Variants in SMARCA5 observed in about 807,000 individuals in gnomAD.
SMARCA5 encodes the protein SNF2 related chromatin remodeling ATPase 5.
SMARCA5 carries 18 observed loss-of-function variants against 140.4 expected under a neutral mutation model. The ratio of observed to expected loss-of-function variants is 0.13; its 90% confidence interval spans 0.09 to 0.19. The LOEUF is 0.19. Among genes scored for constraint, SMARCA5 ranks in the 10% least tolerant of loss-of-function variants. SMARCA5 has a pLI of 1.00. For synonymous variants in SMARCA5, 449 were observed against 419.6 expected (o/e 1.07, Z -0.86); for missense variants, 606 against 1,276.8 (o/e 0.47, Z 8.01).
intron 22 of SMARCA5, 52 bp downstream of exon 22, chr4:143,548,192 C>T: frequency 9.5e-7 from 1 of 1,051,868 alleles, no homozygotes; most frequent in Non-Finnish European, 1.4e-6. Flanking sequence ...GAGTAAGTGT[C>T]ATCTTTGGTA....
In SMARCA5 at chr4:143,547,535, A is replaced by T. The variant is rs553193134; in HGVS notation, c.2772+32A>T. The T allele has an allele frequency of 1.5e-4, 159 of 1,070,468 alleles. 1 individual carries two copies. The highest frequency in any genetic ancestry group is 2.2e-4 in the Non-Finnish European group (151 of 687,792). The allele number at this position is 1,070,468 out of a possible 1,614,324, so 66.3% of individuals were successfully genotyped here. On this transcript the variant is annotated intron_variant, in intron 21 of 23. Transcript: ENST00000283131. ...TGCTTGTTAATAAGTTAGGTAGTTA[A>T]TAAAATAACTCCTAGCTGTGAGTAT... is the stretch of plus-strand genomic sequence containing the variant.
chr4:143,552,974 T>A (rs146940062), intron 23 of SMARCA5, 145 bp from the exon 24 acceptor site: 1 of 584,416 alleles, frequency 1.7e-6, no homozygotes, highest in Non-Finnish European at 3.1e-6. Flanking sequence ...ATAGTTTGCT[T>A]TGAAAGATTT....
Position 143,541,647 on chromosome 4 carries a change from C to A in SMARCA5, c.1903+1152C>A, listed in dbSNP as rs117527003. Among the ~76,000 whole-genome samples the A allele has an allele frequency of 1.9e-4, 29 of 152,234 alleles. No homozygotes were observed. The East Asian group carries it at 5.6e-3, about 29-fold the overall frequency. Reference sequence around the variant, plus strand: ...TTAAATTACTTGTTCATTGTACATACAGCTGGGAAGTGACTCAAGGGGGAT... The same window carrying A: ...TTAAATTACTTGTTCATTGTACATAAAGCTGGGAAGTGACTCAAGGGGGAT... On this transcript the variant is annotated intron_variant, in intron 14 of 23. Coordinates refer to ENST00000283131, the MANE Select transcript of SMARCA5 (RefSeq NM_003601.4).
rs1384322199 is a variant in SMARCA5, at chr4:143,552,956, GA to G, written c.3094-162del. Reference sequence around the variant, plus strand: ...TAAAATAAGTAGGTAAGATTATTTGGAGGCTTTATAGTTTGCTTTGAAAGAT... The same window carrying G: ...TAAAATAAGTAGGTAAGATTATTTGGGGCTTTATAGTTTGCTTTGAAAGAT... On this transcript the variant is annotated intron_variant, in intron 23 of 23. Transcript: ENST00000283131. Among the ~76,000 whole-genome samples, 232 of 152,036 alleles carry G rather than the reference GA, an allele frequency of 1.5e-3. 3 individuals carry two copies. The highest frequency in any genetic ancestry group is 2.9e-4 in the Non-Finnish European group (20 of 67,844).
rs2149827278 is a variant in SMARCA5, at chr4:143,556,325, T to C, written c.*3141T>C. On this transcript the variant is annotated 3_prime_UTR_variant, in exon 24 of 24. Coordinates refer to ENST00000283131, the MANE Select transcript of SMARCA5 (RefSeq NM_003601.4). Reference sequence around the variant, plus strand: ...GGCTTAGTACCTTTCTTAATCTCGATCTTAAAAAGCATTGTAAAACACCCC... The same window carrying C: ...GGCTTAGTACCTTTCTTAATCTCGACCTTAAAAAGCATTGTAAAACACCCC... 6.6e-6 allele frequency: 1 copy of C among 152,322 alleles called. No homozygotes were observed. The highest frequency in any genetic ancestry group is 2.1e-4 in the South Asian group (1 of 4,826). The allele number at this position is 152,322 out of a possible 1,614,324, so 9.4% of individuals were successfully genotyped here.
Position 143,554,248 on chromosome 4 carries a change from G to A in SMARCA5, c.*1064G>A, listed in dbSNP as rs1459253307. 6.6e-6 allele frequency: 1 copy of A among 152,076 alleles called. No homozygotes were observed. The highest frequency in any genetic ancestry group is 1.5e-5 in the Non-Finnish European group (1 of 68,004). The allele number at this position is 152,076 out of a possible 1,614,324, so 9.4% of individuals were successfully genotyped here. On this transcript the variant is annotated 3_prime_UTR_variant, in exon 24 of 24. Transcript: ENST00000283131. Reference sequence around the variant, plus strand: ...TTTTAGCTGTACCAGAGGCCTTTATGTGCTACACATAATTTGTATAAAATT... The same window carrying A: ...TTTTAGCTGTACCAGAGGCCTTTATATGCTACACATAATTTGTATAAAATT...
chr4:143,513,888 G>C lies in SMARCA5; in HGVS notation c.-37G>C. ...TCCCCGTCCATCCCCGCCGGACTCG[G>C]GCCTCTGGCAGCAGCGGGTGACGCA... On this transcript the variant is annotated 5_prime_UTR_variant, in exon 1 of 24. Coordinates refer to ENST00000283131, the MANE Select transcript of SMARCA5 (RefSeq NM_003601.4). The C allele has an allele frequency of 6.5e-7, 1 of 1,532,036 alleles. No homozygotes were observed. The highest frequency in any genetic ancestry group is 8.7e-7 in the Non-Finnish European group (1 of 1,145,422). 94.9% of individuals were successfully genotyped at this position (1,532,036 alleles called of 1,614,324 possible).
At position 143,557,312 on chromosome 4, in the gene SMARCA5, CAAA is replaced by C. The variant is rs1202052875; in HGVS notation, c.*4131_*4133del. On this transcript the variant is annotated 3_prime_UTR_variant, in exon 24 of 24. Coordinates refer to ENST00000283131, the MANE Select transcript of SMARCA5 (RefSeq NM_003601.4). ...ATAAACAATGTAAACACTACATTGA[CAAA>C]AATATTTTATTAATACAAAGAATAT... 1 of 152,118 alleles carries C rather than the reference CAAA, an allele frequency of 6.6e-6. No homozygotes were observed. Among genetic ancestry groups the C allele is most frequent in the Admixed American group, 6.5e-5 (1 of 15,276 alleles). The allele number at this position is 152,118 out of a possible 1,614,324, so 9.4% of individuals were successfully genotyped here. A position where few individuals can be genotyped will look rare whatever the true frequency, so the allele number is the denominator to read the frequency against.
At chr4:143,532,884 T>C (rs2149820800) in intron 9 of SMARCA5, among the ~76,000 whole-genome samples, 1 of 152,306 alleles carries the variant, frequency 6.6e-6, no homozygotes, top group East Asian at 1.9e-4. Flanking sequence ...CCGGTGGGGC[T>C]AAAGGTCTTC....
intron 1 of SMARCA5, chr4:143,514,342 G>A: frequency 2.1e-6 from 1 of 483,242 alleles, no homozygotes; most frequent in Non-Finnish European, 3.6e-6. Flanking sequence ...CGTGAATCCT[G>A]ACAAATATTT....
intron 9 of SMARCA5, 142 bp downstream of exon 9, chr4:143,530,668 C>A: frequency 3.5e-6 from 2 of 571,888 alleles, no homozygotes; most frequent in Non-Finnish European, 6.2e-6. Context: ...TTAACTCTTA[C>A]ATCTTACAAT....
intron 18 of SMARCA5, 53 bp downstream of exon 18, chr4:143,545,636 G>A (rs936108428): frequency 1.9e-6 from 2 of 1,067,844 alleles, no homozygotes; most frequent in Non-Finnish European, 2.9e-6. Context: ...ATTATGGAAG[G>A]TATAAACATT....
chr4:143,529,195 A>G (rs1402880120), intron 8 of SMARCA5, among the ~76,000 whole-genome samples: 1 of 152,182 alleles, frequency 6.6e-6, no homozygotes, highest in African/African-American at 2.4e-5. Context: ...TCAGCCTCCC[A>G]AAGTGCTGGG....
intron 19 of SMARCA5, 71 bp downstream of exon 19, chr4:143,546,118 C>G (rs988926866): frequency 1.1e-5 from 13 of 1,173,256 alleles, no homozygotes; most frequent in Non-Finnish European, 1.5e-5. Flanking sequence ...TATGTTGGGG[C>G]ATAAAAATAA....
intron 5 of SMARCA5, 30 bp downstream of exon 5, chr4:143,525,581 A>T (rs372612525): frequency 2.8e-5 from 38 of 1,379,506 alleles, no homozygotes; most frequent in Non-Finnish European, 3.5e-5. Flanking sequence ...TTTGAAGGGT[A>T]TGTTTTGTAT....
In SMARCA5 at chr4:143,537,965, G is replaced by A. The variant is rs1025771499; in HGVS notation, c.1496-625G>A. ...TCTTATGCATTTGAGGTGCAGGAAC[G>A]TGTGACAACAGCAGATTGTCAGCCT... On this transcript the variant is annotated intron_variant, in intron 11 of 23. Coordinates refer to ENST00000283131, the MANE Select transcript of SMARCA5 (RefSeq NM_003601.4). Among the ~76,000 whole-genome samples, 9 of 151,518 alleles carry A rather than the reference G, an allele frequency of 5.9e-5. No individual in the cohort carries two copies. In the East Asian group the frequency reaches 7.8e-4, roughly 13 times the overall value.
chr4:143,535,614 C>A (rs1737286620), intron 10 of SMARCA5, among the ~76,000 whole-genome samples: 1 of 152,092 alleles, frequency 6.6e-6, no homozygotes, highest in Non-Finnish European at 1.5e-5. Context: ...TTAGGCTTAC[C>A]TTGGATGGCT....
chr4:143,540,259 T>C (rs1169408896), intron 13 of SMARCA5, 104 bp from the exon 14 acceptor site: 7 of 884,362 alleles, frequency 7.9e-6, no homozygotes, highest in Non-Finnish European at 1.1e-5. Flanking sequence ...TTTTTAAAAG[T>C]TTTATATTTC....
intron 1 of SMARCA5, among the ~76,000 whole-genome samples, chr4:143,514,899 C>A (rs1736795264): frequency 6.6e-6 from 1 of 151,890 alleles, no homozygotes; most frequent in African/African-American, 2.4e-5. Flanking sequence ...CACTCGCTGC[C>A]GAGACTTATG....
Sources: allele counts gnomAD v4.1 joint callset (sites outside exome capture counted in the v4.1 genomes callset), GRCh38; gene constraint gnomAD v4.1.1; transcripts MANE v1.5; gene names NCBI Gene and HGNC (gene_info 2026-07-23, HGNC 2026-07-21).